CCL28: variants seen among roughly 807,000 people sequenced by gnomAD.
CCL28 encodes the protein C-C motif chemokine 28.
A neutral mutation model predicts 7.1 loss-of-function variants in CCL28; 4 were observed. The observed-to-expected ratio is 0.56, with a 90% CI of 0.28 to 1.29. The LOEUF (loss-of-function observed/expected upper bound fraction) is 1.29. Among genes scored for constraint, CCL28 ranks in the 50% most tolerant of loss-of-function variants. The probability of loss-of-function intolerance (pLI) is 0.11; values close to 1 mark genes in which losing one functional copy is unlikely to be tolerated. For missense variants in CCL28, 151 were observed against 163.4 expected, an observed-to-expected ratio of 0.92 and a Z score of 0.41; for synonymous variants, 55 against 57.8, an observed-to-expected ratio of 0.95 and a Z score of 0.22.
At chr5:43,368,394 G>T in the CCL28 span, among the ~76,000 whole-genome samples, 74 of 152,272 alleles carry the variant, frequency 4.9e-4, no homozygotes, top group Middle Eastern at 3.4e-3. Flanking sequence ...CACCAGCTAA[G>T]AACTATATTT....
At chr5:43,366,221 T>C in the CCL28 span, among the ~76,000 whole-genome samples, 1 of 152,370 alleles carries the variant, frequency 6.6e-6, no homozygotes, top group East Asian at 1.9e-4. Flanking sequence ...TGAGGAATTG[T>C]GATCCTTTGG....
chr5:43,408,976 G>C (rs1339881595), intron 1 of CCL28, among the ~76,000 whole-genome samples: 1 of 149,822 alleles, frequency 6.7e-6, no homozygotes, highest in African/African-American at 2.5e-5. Context: ...CTGCAGCCTC[G>C]AACTCCTGGG....
At chr5:43,367,964 A>G in the CCL28 span, among the ~76,000 whole-genome samples, 76,894 of 151,998 alleles carry the variant, frequency 0.51, 19,997 homozygotes, top group Middle Eastern at 0.62. Context: ...AAGTTAAGCA[A>G]TACAAATAAG....
At chr5:43,363,086 T>A in the CCL28 span, among the ~76,000 whole-genome samples, 1 of 152,206 alleles carries the variant, frequency 6.6e-6, no homozygotes, top group African/African-American at 2.4e-5. Flanking sequence ...GTATTTCCTT[T>A]TCAAGGTCTC....
the CCL28 span, among the ~76,000 whole-genome samples, chr5:43,364,415 T>C: frequency 6.6e-6 from 1 of 152,242 alleles, no homozygotes; most frequent in African/African-American, 2.4e-5. Context: ...GTACCCTGAT[T>C]TGATCATTAT....
At chr5:43,385,839 T>G (rs1740313542) in intron 2 of CCL28, among the ~76,000 whole-genome samples, 1 of 152,220 alleles carries the variant, frequency 6.6e-6, no homozygotes, top group Non-Finnish European at 1.5e-5. Flanking sequence ...AGACTTATGT[T>G]TCTGATTATA....
chr5:43,375,812 G>C (rs1739879086), downstream of CCL28, among the ~76,000 whole-genome samples: 1 of 152,064 alleles, frequency 6.6e-6, no homozygotes, highest in South Asian at 2.1e-4. Context: ...CGGGTGTGGT[G>C]GTGTGTGCCT....
chr5:43,396,612 A>G (rs1740813003), intron 1 of CCL28, among the ~76,000 whole-genome samples: 1 of 152,216 alleles, frequency 6.6e-6, no homozygotes, highest in Non-Finnish European at 1.5e-5. Flanking sequence ...ATTCTGGAAA[A>G]TCGTAAAAGT....
chr5:43,406,639 C>T (rs967058844), intron 1 of CCL28, among the ~76,000 whole-genome samples: 1 of 152,188 alleles, frequency 6.6e-6, no homozygotes. Flanking sequence ...GTTGGAAGTT[C>T]TGGCCAGGGC....
downstream of CCL28, among the ~76,000 whole-genome samples, chr5:43,374,535 C>A (rs1021269891): frequency 6.6e-6 from 1 of 152,228 alleles, no homozygotes; most frequent in African/African-American, 2.4e-5. Flanking sequence ...GTAATCCCAG[C>A]ACTTTGGGAG....
At chr5:43,375,537 C>T (rs1013036955), downstream of CCL28, among the ~76,000 whole-genome samples, 1 of 143,736 alleles carries the variant, frequency 7.0e-6, no homozygotes, top group African/African-American at 2.6e-5. Flanking sequence ...GATCTGGAGG[C>T]AGACATTTTG....
intron 1 of CCL28, among the ~76,000 whole-genome samples, chr5:43,393,362 TC>T (rs1347983960): frequency 6.6e-6 from 1 of 151,504 alleles, no homozygotes; most frequent in Non-Finnish European, 1.5e-5. Context: ...TTTTTTCTTT[TC>T]TTTTTTTCTG....
At chr5:43,384,340 C>T (rs1208263152) in intron 2 of CCL28, among the ~76,000 whole-genome samples, 1 of 152,102 alleles carries the variant, frequency 6.6e-6, no homozygotes, top group Non-Finnish European at 1.5e-5. Flanking sequence ...GTGAGGCAAC[C>T]TCTCAATGTA....
chr5:43,384,908 CTTT>C (rs750994278), intron 2 of CCL28, among the ~76,000 whole-genome samples: 4 of 143,378 alleles, frequency 2.8e-5, no homozygotes, highest in Admixed American at 1.4e-4. Context: ...ACATAAACAA[CTTT>C]TTTTTTTTTT....
At chr5:43,373,308 T>C (rs1408408635), downstream of CCL28, among the ~76,000 whole-genome samples, 7 of 152,082 alleles carry the variant, frequency 4.6e-5, no homozygotes. Flanking sequence ...GATTTTTGTG[T>C]GTGTGTGTGT....
chr5:43,407,642 T>C (rs924224541), intron 1 of CCL28, among the ~76,000 whole-genome samples: 2 of 152,118 alleles, frequency 1.3e-5, no homozygotes, highest in African/African-American at 2.4e-5. Flanking sequence ...AATTGACAAA[T>C]GGGATCTAAT....
intron 1 of CCL28, among the ~76,000 whole-genome samples, chr5:43,404,289 A>G (rs1312744485): frequency 2.0e-5 from 3 of 152,274 alleles, no homozygotes; most frequent in Non-Finnish European, 4.4e-5. Context: ...AGGGAAGCCC[A>G]TCAGACTAAC....
chr5:43,400,880 C>T (rs991188936), intron 1 of CCL28, among the ~76,000 whole-genome samples: 4 of 151,804 alleles, frequency 2.6e-5, no homozygotes, highest in African/African-American at 7.3e-5. Context: ...GTCAGGAGTT[C>T]GAGACAGCCT....
chr5:43,377,101 CTCT>C (rs1411642393), downstream of CCL28: 1 of 152,238 alleles, frequency 6.6e-6, no homozygotes. Context: ...TTCTCACCCT[CTCT>C]TCTTCTCTGA....
Sources: allele counts gnomAD v4.1 joint callset (sites outside exome capture counted in the v4.1 genomes callset), GRCh38; gene constraint gnomAD v4.1.1; transcripts MANE v1.5; gene names NCBI Gene and HGNC (gene_info 2026-07-23, HGNC 2026-07-21).